GNS: variants seen among roughly 807,000 people sequenced by gnomAD.
GNS encodes the protein N-acetylglucosamine-6-sulfatase.
In GNS, 40 loss-of-function variants were observed where a neutral mutation model predicts 69.7. The observed-to-expected ratio is 0.57, with a 90% CI of 0.45 to 0.75. GNS has a LOEUF of 0.75. Ranked by LOEUF, GNS falls within the 30% of genes least tolerant of loss-of-function variation. GNS has a pLI of 0.00. For synonymous variants in GNS, 243 were observed against 251.6 expected (o/e 0.97, Z 0.32); for missense variants, 565 against 685.5 (o/e 0.82, Z 1.96).
At chr12:64,742,118 T>C (rs1869758248) in intron 6 of GNS, among the ~76,000 whole-genome samples, 1 of 152,176 alleles carries the variant, frequency 6.6e-6, no homozygotes, top group African/African-American at 2.4e-5. Flanking sequence ...CCTCCCGGGT[T>C]CACGCCATTC....
At position 64,721,673 on chromosome 12, in the gene GNS, A is replaced by C; in HGVS notation, c.1341T>G (p.Ala447=). ...TCACACAGGCATAGGTATTGTTATA[A>C]GCATCTTCACATACACAGTCTGGGA... ...QCFPDCVCED[A]YNNTYACVRT... is the part of the protein sequence containing the mutation. The change falls in exon 12 of 14, where the codon GCT becomes GCG. Residue 447 remains alanine, a synonymous_variant. Transcript: ENST00000258145. 6.3e-7 allele frequency: 1 copy of C among 1,584,370 alleles called. No individual in the cohort carries two copies. Among genetic ancestry groups the C allele is most frequent in the Admixed American group, 1.7e-5 (1 of 59,994 alleles).
chr12:64,748,041 A>AAT, intron 2 of GNS, 123 bp from the exon 3 acceptor site: 1 of 698,772 alleles, frequency 1.4e-6, no homozygotes, highest in Non-Finnish European at 2.6e-6. Flanking sequence ...TTTCTCATGG[A>AAT]ATATATATAT....
At chr12:64,740,828 T>C (rs1364468203) in intron 6 of GNS, 140 bp from the exon 7 acceptor site, 3 of 663,038 alleles carry the variant, frequency 4.5e-6, no homozygotes, top group East Asian at 5.5e-5. Context: ...GTTTAAGCAA[T>C]TTCAGAACTT....
Position 64,717,825 on chromosome 12 carries a change from T to A in GNS, c.1581-1006A>T, listed in dbSNP as rs116085368. 8.4e-3 allele frequency among the ~76,000 whole-genome samples: 1,275 copies of A among 152,238 alleles called. 13 individuals carry two copies. Among genetic ancestry groups the A allele is most frequent in the African/African-American group, 0.028 (1,169 of 41,520 alleles). On this transcript the variant is annotated intron_variant, in intron 13 of 13. Coordinates refer to ENST00000258145, the MANE Select transcript of GNS (RefSeq NM_002076.4). ...TGGGTAGAAGACATGAACAGAAACA[T>A]CTTCCAACTGATGGCAACTGGGCCT...
intron 10 of GNS, 74 bp from the exon 11 acceptor site, chr12:64,723,187 A>C: frequency 1.1e-6 from 1 of 933,626 alleles, no homozygotes; most frequent in Admixed American, 1.8e-5. Context: ...ATTGACTGCT[A>C]AAGGGGACCT....
chr12:64,725,889 G>A (rs1412457530), intron 10 of GNS, among the ~76,000 whole-genome samples: 17 of 150,970 alleles, frequency 1.1e-4, no homozygotes, highest in African/African-American at 2.9e-4. Flanking sequence ...CCAGCTACTC[G>A]GGAGGCTGAG....
At chr12:64,729,369 A>G (rs2136240758) in intron 9 of GNS, among the ~76,000 whole-genome samples, 1 of 152,344 alleles carries the variant, frequency 6.6e-6, no homozygotes, top group South Asian at 2.1e-4. Context: ...GTTGCGAATC[A>G]TGAGAAAAAT....
chr12:64,728,831 C>G, intron 10 of GNS, 125 bp downstream of exon 10: 1 of 662,660 alleles, frequency 1.5e-6, no homozygotes, highest in Non-Finnish European at 2.8e-6. Flanking sequence ...AAAACTCCTT[C>G]CCATCACAAG....
chr12:64,739,307 T>C (rs1869653433), intron 8 of GNS, 74 bp downstream of exon 8: 1 of 855,002 alleles, frequency 1.2e-6, no homozygotes, highest in African/African-American at 1.7e-5. Context: ...TAGAACTCCC[T>C]CCCAGGGCTC....
intron 3 of GNS, among the ~76,000 whole-genome samples, chr12:64,746,550 C>T (rs1301231424): frequency 6.6e-6 from 1 of 152,144 alleles, no homozygotes; most frequent in East Asian, 1.9e-4. Flanking sequence ...TTCAGTTGCC[C>T]TGCAGATGAA....
intron 8 of GNS, among the ~76,000 whole-genome samples, chr12:64,738,640 C>T (rs1869625858): frequency 1.3e-5 from 2 of 151,956 alleles, no homozygotes; most frequent in South Asian, 4.2e-4. Context: ...TGGCAAAAAC[C>T]CATCTCTACT....
At position 64,740,177 on chromosome 12, in the gene GNS, G is replaced by A. The variant is rs148286187; in HGVS notation, c.875+429C>T. 1.0e-3 allele frequency among the ~76,000 whole-genome samples: 157 copies of A among 152,326 alleles called. 1 individual carries two copies. Among genetic ancestry groups the A allele is most frequent in the African/African-American group, 3.7e-3 (152 of 41,574 alleles). ...CTGGTCTACACTAAACACTTCCTAA[G>A]AGAAAGTAATGGATTTTTAAAAATT... On this transcript the variant is annotated intron_variant, in intron 7 of 13. Transcript: ENST00000258145.
intron 10 of GNS, among the ~76,000 whole-genome samples, chr12:64,727,555 G>A (rs140930112): frequency 7.9e-5 from 12 of 152,214 alleles, no homozygotes; most frequent in African/African-American, 2.9e-4. Context: ...AATGTTATTC[G>A]GCAGTAAAAC....
chr12:64,739,913 C>T (rs1315685799), intron 7 of GNS, among the ~76,000 whole-genome samples: 4 of 152,180 alleles, frequency 2.6e-5, no homozygotes, highest in Admixed American at 6.5e-5. Context: ...GACTGTGCTA[C>T]AAAAAAGCTT....
intron 7 of GNS, 46 bp downstream of exon 7, chr12:64,740,560 A>G: frequency 1.0e-6 from 1 of 965,140 alleles, no homozygotes; most frequent in Non-Finnish European, 1.7e-6. Context: ...GCTGATTTGC[A>G]GGGTCTTTAA....
At position 64,759,146 on chromosome 12, in the gene GNS, G is replaced by A; in HGVS notation, c.131C>T (p.Thr44Ile). ...GAGCAGCACCACGTTGGGCCTCCGG[G>A]TTCCCGCAGCCACCCCGAAGACCCC... ...CLGVFGVAAG[T>I]RRPNVVLLLT... is the part of the protein sequence containing the mutation. Residue 44 changes from threonine to isoleucine, a missense_variant, in exon 1 of 14, where the codon ACC (threonine) becomes ATC (isoleucine). Around this residue, in one of 2 missense-constraint regions of GNS, gnomAD observed 181 missense variants for 174.4 expected, o/e 1.04. Coordinates refer to ENST00000258145, the MANE Select transcript of GNS (RefSeq NM_002076.4). 6.4e-7 allele frequency: 1 copy of A among 1,558,318 alleles called. No individual in the cohort carries two copies. The highest frequency in any genetic ancestry group is 8.7e-7 in the Non-Finnish European group (1 of 1,151,502).
intron 6 of GNS, 85 bp downstream of exon 6, chr12:64,743,056 T>C (rs989567965): frequency 9.7e-7 from 1 of 1,033,592 alleles, no homozygotes. Context: ...AAAAACCCAC[T>C]ACATGGCTCA....
At chr12:64,756,734 C>A (rs1273057614) in intron 1 of GNS, 1 of 1,503,048 alleles carries the variant, frequency 6.7e-7, no homozygotes, top group South Asian at 1.2e-5. Context: ...TCCTGTTTGA[C>A]AATTAGTGGT....
intron 1 of GNS, among the ~76,000 whole-genome samples, chr12:64,753,830 G>C (rs973402515): frequency 1.3e-5 from 2 of 152,160 alleles, no homozygotes; most frequent in African/African-American, 4.8e-5. Flanking sequence ...GCCAAGAGAC[G>C]CTAGAGAAGC....
Sources: allele counts gnomAD v4.1 joint callset (sites outside exome capture counted in the v4.1 genomes callset), GRCh38; gene constraint gnomAD v4.1.1; regional missense constraint gnomAD v4.1.1; transcripts MANE v1.5; gene names NCBI Gene and HGNC (gene_info 2026-07-23, HGNC 2026-07-21).